The following EPB41L4A variants were observed in gnomAD, a reference collection of about 807,000 sequenced individuals.
EPB41L4A encodes the protein band 4.1-like protein 4A.
EPB41L4A carries 100 observed loss-of-function variants against 108.6 expected under a neutral mutation model. The observed-to-expected ratio is 0.92, with a 90% CI of 0.78 to 1.09. EPB41L4A has a LOEUF of 1.09. Ranked by LOEUF, EPB41L4A falls within the 50% of genes least tolerant of loss-of-function variation. The pLI is 0.00. For synonymous variants in EPB41L4A, 319 were observed against 289.0 expected (o/e 1.10, Z -1.05); for missense variants, 1,030 against 842.7 (o/e 1.22, Z -2.75).
intron 1 of EPB41L4A, among the ~76,000 whole-genome samples, chr5:112,379,480 T>C (rs1385184814): frequency 2.0e-5 from 3 of 152,154 alleles, no homozygotes; most frequent in African/African-American, 7.2e-5. Context: ...GCCTGAACAT[T>C]GAAGAAATGA....
chr5:112,188,089 C>T (rs753719886), intron 17 of EPB41L4A, among the ~76,000 whole-genome samples: 3 of 152,222 alleles, frequency 2.0e-5, no homozygotes, highest in African/African-American at 4.8e-5. Flanking sequence ...TATAGCATAA[C>T]ATTCCAGACA....
Position 112,194,660 on chromosome 5 carries a change from G to A in EPB41L4A, c.1425-15C>T, listed in dbSNP as rs749503965. 19 of 1,581,132 alleles carry A rather than the reference G, an allele frequency of 1.2e-5. No homozygotes were observed. The highest frequency in any genetic ancestry group is 3.7e-5 in the Admixed American group (2 of 54,084). Reference sequence around the variant, plus strand: ...GTGAACGTGACCTGAAGACAAAAAGGTAAGAACAAAAGAAAAAACACACAT... The same window carrying A: ...GTGAACGTGACCTGAAGACAAAAAGATAAGAACAAAAGAAAAAACACACAT... On this transcript the variant is annotated splice_polypyrimidine_tract_variant and intron_variant, in intron 16 of 22. Transcript: ENST00000261486.
intron 2 of EPB41L4A, 34 bp downstream of exon 2, chr5:112,307,352 C>A: frequency 7.0e-7 from 1 of 1,418,500 alleles, no homozygotes; most frequent in Non-Finnish European, 9.9e-7. Flanking sequence ...AAATTTATAA[C>A]CAGAAAAATT....
At chr5:112,397,903 C>T (rs924387143) in intron 1 of EPB41L4A, among the ~76,000 whole-genome samples, 2 of 152,190 alleles carry the variant, frequency 1.3e-5, no homozygotes, top group African/African-American at 4.8e-5. Context: ...TAACCATTAA[C>T]CATTATTCTG....
chr5:112,219,730 C>A (rs1399283232), intron 12 of EPB41L4A, among the ~76,000 whole-genome samples: 6 of 152,138 alleles, frequency 3.9e-5, no homozygotes, highest in African/African-American at 1.4e-4. Flanking sequence ...GAGTCTCATT[C>A]TGTTGCCTAC....
intron 14 of EPB41L4A, 110 bp from the exon 15 acceptor site, chr5:112,204,598 G>GCAC: frequency 1.7e-6 from 1 of 596,266 alleles, no homozygotes; most frequent in East Asian, 2.7e-5. Context: ...AGAGGCACAT[G>GCAC]CACCAGGGGC....
rs752843239 is a variant in EPB41L4A, at chr5:112,239,750, T to A, written c.888-13A>T. 2 of 1,586,582 alleles carry A rather than the reference T, an allele frequency of 1.3e-6. No homozygotes were observed. Among genetic ancestry groups the A allele is most frequent in the East Asian group, 4.5e-5 (2 of 44,302 alleles). On this transcript the variant is annotated splice_polypyrimidine_tract_variant and intron_variant, in intron 10 of 22. Transcript: ENST00000261486. Reference sequence around the variant, plus strand: ...ATTTTCTGGCATTCTAATCAATTTTTAAAAGAAAATCAGACAAAGACTCAA... The same window carrying A: ...ATTTTCTGGCATTCTAATCAATTTTAAAAAGAAAATCAGACAAAGACTCAA...
intron 9 of EPB41L4A, among the ~76,000 whole-genome samples, chr5:112,244,106 C>T (rs2150391313): frequency 6.6e-6 from 1 of 152,260 alleles, no homozygotes; most frequent in South Asian, 2.1e-4. Flanking sequence ...AGATGCACAA[C>T]TATTCCTTTC....
chr5:112,270,123 G>T (rs1203250932), intron 4 of EPB41L4A, among the ~76,000 whole-genome samples: 1 of 152,170 alleles, frequency 6.6e-6, no homozygotes, highest in East Asian at 1.9e-4. Flanking sequence ...CTTAAAGAAG[G>T]GGCAGAGAGA....
chr5:112,160,647 C>T (rs757320121), downstream of EPB41L4A: 39 of 153,748 alleles, frequency 2.5e-4, no homozygotes, highest in Non-Finnish European at 3.2e-4. Flanking sequence ...GTGGAAAGAA[C>T]TGGCCACACA....
chr5:112,383,860 T>C (rs184869329), intron 1 of EPB41L4A, among the ~76,000 whole-genome samples: 7 of 152,104 alleles, frequency 4.6e-5, no homozygotes, highest in Admixed American at 3.3e-4. Flanking sequence ...TGTCAATAAA[T>C]AAACAATTTC....
chr5:112,385,139 G>C (rs1039079161), intron 1 of EPB41L4A, among the ~76,000 whole-genome samples: 1 of 152,180 alleles, frequency 6.6e-6, no homozygotes, highest in African/African-American at 2.4e-5. Flanking sequence ...TCAGCCTACA[G>C]CCTGACAATG....
intron 1 of EPB41L4A, among the ~76,000 whole-genome samples, chr5:112,375,606 C>T (rs1759769972): frequency 6.6e-6 from 1 of 152,158 alleles, no homozygotes; most frequent in South Asian, 2.1e-4. Flanking sequence ...CTTCAATGAT[C>T]AGTCATAAAC....
chr5:112,143,929 A>G, intron 13 of EPB41L4A: 1 of 448,648 alleles, frequency 2.2e-6, no homozygotes, highest in South Asian at 1.6e-5. Context: ...GCCAAAGACA[A>G]TACTACCAGA....
At chr5:112,262,770 A>G (rs1178244415) in intron 6 of EPB41L4A, among the ~76,000 whole-genome samples, 189 bp from the exon 7 acceptor site, 1 of 152,252 alleles carries the variant, frequency 6.6e-6, no homozygotes, top group Non-Finnish European at 1.5e-5. Context: ...AGTGATACTT[A>G]TATTAATTTC....
chr5:112,368,118 AT>A (rs1477315447), intron 1 of EPB41L4A, among the ~76,000 whole-genome samples: 1 of 152,172 alleles, frequency 6.6e-6, no homozygotes, highest in Admixed American at 6.5e-5. Flanking sequence ...AAGGAAACAC[AT>A]TTTCTCGTAG....
At chr5:112,405,935 T>G (rs1349394651) in intron 1 of EPB41L4A, among the ~76,000 whole-genome samples, 1 of 152,232 alleles carries the variant, frequency 6.6e-6, no homozygotes, top group African/African-American at 2.4e-5. Flanking sequence ...TGCTACTAGG[T>G]ACACAATAAG....
chr5:112,214,180 T>C (rs1747441078), intron 12 of EPB41L4A, among the ~76,000 whole-genome samples: 2 of 152,230 alleles, frequency 1.3e-5, no homozygotes, highest in Admixed American at 6.5e-5. Context: ...AAAAGTGACC[T>C]GACAAATCCA....
At chr5:112,391,183 C>T (rs1338348328) in intron 1 of EPB41L4A, among the ~76,000 whole-genome samples, 1 of 152,182 alleles carries the variant, frequency 6.6e-6, no homozygotes, top group Non-Finnish European at 1.5e-5. Context: ...AGGACTGCAG[C>T]TCCTCGCCAG....
Sources: allele counts gnomAD v4.1 joint callset (sites outside exome capture counted in the v4.1 genomes callset), GRCh38; gene constraint gnomAD v4.1.1; transcripts MANE v1.5; gene names NCBI Gene and HGNC (gene_info 2026-07-23, HGNC 2026-07-21).